Variants in FASTKD1 observed in about 807,000 individuals in gnomAD.
The protein encoded by FASTKD1 is FAST kinase domains 1, also known as FAST kinase domain-containing protein 1, mitochondrial.
In FASTKD1, 94 loss-of-function variants were observed where a neutral mutation model predicts 90.9. The observed-to-expected ratio is 1.03, with a 90% confidence interval of 0.88 to 1.23. The LOEUF (loss-of-function observed/expected upper bound fraction) is 1.23, where lower values mean the gene tolerates loss of function less well. Ranked by LOEUF, FASTKD1 falls within the 50% of genes most tolerant of loss-of-function variation. The pLI is 0.00. For missense variants in FASTKD1, 945 were observed against 993.5 expected (o/e 0.95, Z 0.66); for synonymous variants, 319 against 345.8 (o/e 0.92, Z 0.86).
chr2:169,559,508 C>A (rs1017246426), intron 5 of FASTKD1, among the ~76,000 whole-genome samples: 1 of 152,200 alleles, frequency 6.6e-6, no homozygotes, highest in Non-Finnish European at 1.5e-5. Context: ...CAGTTCACTG[C>A]AGGCTCAACC....
rs1685206224 is a variant in FASTKD1 at position 169,546,503 on chromosome 2, C to G, written c.1416G>C (p.Met472Ile). 6.2e-7 allele frequency: 1 copy of G among 1,613,976 alleles called. No individual in the cohort carries two copies. Among genetic ancestry groups the G allele is most frequent in the Admixed American group, 1.7e-5 (1 of 59,990 alleles). ...IQHDHMYLDN[M>I]TAKQLKLLQK... ...GAAGTAGTTTCAGTTGTTTCGCAGT[C>G]ATATTATCCAAATACATGTGATCAT... Residue 472 changes from methionine (M) to isoleucine (I), a missense_variant, in exon 8 of 15, where the codon ATG (methionine) becomes ATC (isoleucine). Met to Ile is a conservative substitution (Grantham distance 10). Coordinates refer to ENST00000453153, the MANE Select transcript of FASTKD1 (RefSeq NM_024622.6).
At chr2:169,569,418 A>C (rs1684136139) in intron 2 of FASTKD1, among the ~76,000 whole-genome samples, 166 bp from the exon 3 acceptor site, 1 of 152,208 alleles carries the variant, frequency 6.6e-6, no homozygotes, top group South Asian at 2.1e-4. Context: ...TTTTTGGTAC[A>C]GCCTAATAAA....
At chr2:169,572,641 G>A (rs909096555) in intron 1 of FASTKD1, among the ~76,000 whole-genome samples, 14 of 151,084 alleles carry the variant, frequency 9.3e-5, no homozygotes, top group Non-Finnish European at 1.9e-4. Context: ...CCCTTAAAGA[G>A]CTCAAATAAT....
At chr2:169,537,898 A>G (rs775135530) in intron 11 of FASTKD1, 115 bp downstream of exon 11, 415 of 840,572 alleles carry the variant, frequency 4.9e-4, no homozygotes, top group Non-Finnish European at 6.5e-4. Context: ...TAAACAGGTC[A>G]TGGCACTCTT....
At chr2:169,570,045 A>G (rs1407870385) in intron 2 of FASTKD1, among the ~76,000 whole-genome samples, 1 of 152,106 alleles carries the variant, frequency 6.6e-6, no homozygotes, top group East Asian at 1.9e-4. Context: ...AATCCCCAAT[A>G]TAAGCCCCAA....
At chr2:169,551,480 G>A (rs545407060) in intron 7 of FASTKD1, among the ~76,000 whole-genome samples, 13 of 152,060 alleles carry the variant, frequency 8.5e-5, no homozygotes, top group Admixed American at 2.0e-4. Context: ...ACTTAGTATT[G>A]AGCAAAAGAA....
At chr2:169,572,580 G>T (rs1684283592) in intron 1 of FASTKD1, among the ~76,000 whole-genome samples, 1 of 150,978 alleles carries the variant, frequency 6.6e-6, no homozygotes, top group African/African-American at 2.4e-5. Flanking sequence ...TCAGAAGTAT[G>T]GTCTCAGGTT....
chr2:169,529,951 A>G (rs1191274366), intron 14 of FASTKD1, 25 bp from the exon 15 acceptor site: 2 of 1,536,094 alleles, frequency 1.3e-6, no homozygotes, highest in South Asian at 1.1e-5. Flanking sequence ...TGTTGTTTGA[A>G]TGAAAGTTTT....
chr2:169,541,589 T>C (rs967478647), intron 9 of FASTKD1, among the ~76,000 whole-genome samples: 2 of 152,160 alleles, frequency 1.3e-5, no homozygotes, highest in Non-Finnish European at 2.9e-5. Flanking sequence ...GTCTGGCCCA[T>C]AGATCCCACA....
chr2:169,562,255 C>T (rs528668725), intron 4 of FASTKD1, among the ~76,000 whole-genome samples: 3 of 150,126 alleles, frequency 2.0e-5, no homozygotes, highest in Non-Finnish European at 4.4e-5. Context: ...TGTTTTGAGA[C>T]AGAGTCTTGC....
intron 10 of FASTKD1, among the ~76,000 whole-genome samples, chr2:169,538,801 T>C (rs539458134): frequency 7.9e-5 from 12 of 151,924 alleles, no homozygotes; most frequent in African/African-American, 1.7e-4. Flanking sequence ...TGATGAGGAA[T>C]TGGAAACAAT....
intron 8 of FASTKD1, among the ~76,000 whole-genome samples, chr2:169,545,453 C>T (rs1194970056): frequency 6.6e-6 from 1 of 152,150 alleles, no homozygotes; most frequent in Non-Finnish European, 1.5e-5. Context: ...CTATACTAAG[C>T]AAGTTAAGAC....
chr2:169,535,184 T>C (rs1270210635), intron 12 of FASTKD1, among the ~76,000 whole-genome samples: 1 of 151,948 alleles, frequency 6.6e-6, no homozygotes, highest in African/African-American at 2.4e-5. Context: ...TGTTTTGTTT[T>C]GTTTTGTTTT....
At chr2:169,567,401 T>C (rs1684036331) in intron 3 of FASTKD1, among the ~76,000 whole-genome samples, 3 of 152,296 alleles carry the variant, frequency 2.0e-5, no homozygotes, top group Non-Finnish European at 1.5e-5. Context: ...AATAGATAAT[T>C]TGTACTGTTA....
chr2:169,563,172 T>C (rs1683784546), intron 4 of FASTKD1, 53 bp downstream of exon 4: 4 of 1,567,664 alleles, frequency 2.6e-6, no homozygotes, highest in East Asian at 4.6e-5. Flanking sequence ...TGCATCCACA[T>C]CCAAAGCCCA....
chr2:169,563,380 T>C (rs1483862636), intron 3 of FASTKD1, 30 bp from the exon 4 acceptor site: 2 of 1,486,530 alleles, frequency 1.3e-6, no homozygotes, highest in Non-Finnish European at 1.8e-6. Context: ...AAGGAGAACA[T>C]TAGTATTTAC....
chr2:169,543,593 G>A (rs1007246021), intron 9 of FASTKD1, among the ~76,000 whole-genome samples: 6 of 152,182 alleles, frequency 3.9e-5, no homozygotes, highest in Admixed American at 2.0e-4. Flanking sequence ...ATAGGAGAAC[G>A]TCCTTATAAC....
chr2:169,546,551 TG>T lies in FASTKD1; in HGVS notation c.1367del (p.Thr456AsnfsTer4), dbSNP rs1685209804. ...CDLNNLSSFATSVLRWIQHDH... is the reference protein window; with the variant it reads ...CDLNNLSSFAXSVLRWIQHDH... ...CATGCTGAATCCATCTTAAAACAGA[TG>T]TGGCAAAACTACTCAGGTTATTTAG... On this transcript the variant is annotated frameshift_variant, in exon 8 of 15. Transcript: ENST00000453153. LOFTEE classifies it high-confidence loss of function. 1 of 1,614,058 alleles carries T rather than the reference TG, an allele frequency of 6.2e-7. No individual in the cohort carries two copies. The highest frequency in any genetic ancestry group is 8.5e-7 in the Non-Finnish European group (1 of 1,180,038).
chr2:169,544,707 A>G lies in FASTKD1; in HGVS notation c.1816+14T>C, dbSNP rs1685107288. 1 of 1,440,776 alleles carries G rather than the reference A, an allele frequency of 6.9e-7. No individual in the cohort carries two copies. The highest frequency in any genetic ancestry group is 1.4e-5 in the African/African-American group (1 of 71,266). The allele number at this position is 1,440,776 out of a possible 1,614,324, so 89.2% of individuals were successfully genotyped here. ...GACTTATTCACTCAATGTATTACCAAACAATATACCTACCTAAGTAAGAAT... is the reference window on the plus strand; with the variant it reads ...GACTTATTCACTCAATGTATTACCAGACAATATACCTACCTAAGTAAGAAT... On this transcript the variant is annotated intron_variant, in intron 9 of 14. Coordinates refer to ENST00000453153, the MANE Select transcript of FASTKD1 (RefSeq NM_024622.6).
Sources: allele counts gnomAD v4.1 joint callset (sites outside exome capture counted in the v4.1 genomes callset), GRCh38; gene constraint gnomAD v4.1.1; transcripts MANE v1.5; gene names NCBI Gene and HGNC (gene_info 2026-07-23, HGNC 2026-07-21).